TXNL4A: variants seen among roughly 807,000 people sequenced by gnomAD.
TXNL4A encodes thioredoxin like 4A.
Under a neutral mutation model 14.6 loss-of-function variants are expected in TXNL4A, and 17 were observed. That is an observed-to-expected ratio of 1.16 (90% CI 0.80 to 1.74). The LOEUF is 1.74. TXNL4A is among the 40% of genes most tolerant of loss of function. The pLI is 0.00. For synonymous variants in TXNL4A, 83 were observed against 70.6 expected (o/e 1.18, Z -0.88); for missense variants, 74 against 195.2 (o/e 0.38, Z 3.70).
chr18:80,007,984 T>A (rs2051743519), intron 1 of TXNL4A, among the ~76,000 whole-genome samples: 2 of 151,028 alleles, frequency 1.3e-5, no homozygotes, highest in Admixed American at 1.3e-4. Context: ...GACCCCCATC[T>A]CTACAAAAAA....
chr18:80,019,923 G>A (rs989029696), intron 1 of TXNL4A, among the ~76,000 whole-genome samples: 1 of 152,128 alleles, frequency 6.6e-6, no homozygotes, highest in Non-Finnish European at 1.5e-5. Context: ...TAAAGGTAAA[G>A]CCAGCAGAGG....
chr18:79,977,402 T>G, intron 2 of TXNL4A, 196 bp downstream of exon 2: 2 of 553,442 alleles, frequency 3.6e-6, no homozygotes, highest in Non-Finnish European at 6.3e-6. Flanking sequence ...TGTTACTGAG[T>G]AAATGCTAAA....
rs1439253798 is a variant in TXNL4A at position 79,971,436 on chromosome 18, T to A, written c.*2249A>T. On this transcript the variant is annotated 3_prime_UTR_variant, in exon 3 of 3. Coordinates refer to ENST00000269601, the MANE Select transcript of TXNL4A (RefSeq NM_006701.5). ...TTGACCTCTGGGGCTTAAGTGATCCTCCTGCCTCAGCCCGCCGAGTAGCTG... is the reference window on the plus strand; with the variant it reads ...TTGACCTCTGGGGCTTAAGTGATCCACCTGCCTCAGCCCGCCGAGTAGCTG... 1.3e-5 allele frequency: 2 copies of A among 152,294 alleles called. No homozygotes were observed. Among genetic ancestry groups the A allele is most frequent in the African/African-American group, 4.8e-5 (2 of 41,442 alleles). The allele number at this position is 152,294 out of a possible 1,614,324, so 9.4% of individuals were successfully genotyped here.
chr18:80,031,575 G>A (rs188055036), intron 1 of TXNL4A, among the ~76,000 whole-genome samples: 22 of 152,308 alleles, frequency 1.4e-4, no homozygotes, highest in Non-Finnish European at 5.9e-5. Flanking sequence ...GATAGCTATT[G>A]AAGATGCTAT....
At chr18:80,002,319 A>G (rs1032281700) in intron 1 of TXNL4A, among the ~76,000 whole-genome samples, 1 of 152,218 alleles carries the variant, frequency 6.6e-6, no homozygotes, top group Admixed American at 6.5e-5. Flanking sequence ...GTCTAGGTGC[A>G]TGCTGATGAG....
intron 1 of TXNL4A, among the ~76,000 whole-genome samples, chr18:80,007,259 G>A (rs1157767946): frequency 6.6e-6 from 1 of 152,178 alleles, no homozygotes; most frequent in Non-Finnish European, 1.5e-5. Context: ...ATTCAGCTGG[G>A]AGCATCGGCA....
intron 1 of TXNL4A, among the ~76,000 whole-genome samples, chr18:80,013,581 T>C (rs1277576362): frequency 6.6e-6 from 1 of 151,960 alleles, no homozygotes; most frequent in Non-Finnish European, 1.5e-5. Flanking sequence ...ATTACTGGCA[T>C]GCGCCACCAC....
rs184902897 is a variant in TXNL4A at position 79,994,099 on chromosome 18, A to G, written c.-60-16398T>C. Among the ~76,000 whole-genome samples, 197 of 152,340 alleles carry G rather than the reference A, an allele frequency of 1.3e-3. 1 individual carries two copies. Among genetic ancestry groups the G allele is most frequent in the Non-Finnish European group, 2.3e-3 (159 of 68,030 alleles). On this transcript the variant is annotated intron_variant, in intron 1 of 2. Transcript: ENST00000585474. ...GCTAAAACCCCAGCAGCTGAGGAAC[A>G]TAAAGTTCCACCTTTAGAAACTCCG...
chr18:79,984,986 C>G (rs1380510632), intron 1 of TXNL4A, among the ~76,000 whole-genome samples: 1 of 152,088 alleles, frequency 6.6e-6, no homozygotes, highest in Non-Finnish European at 1.5e-5. Context: ...CTCAAAGGCA[C>G]ATGAAATTGT....
At chr18:80,000,531 G>A (rs964367313) in intron 1 of TXNL4A, among the ~76,000 whole-genome samples, 11 of 152,332 alleles carry the variant, frequency 7.2e-5, no homozygotes, top group African/African-American at 2.4e-4. Context: ...AAGGGAAACA[G>A]CATAAAAGTT....
chr18:80,012,050 A>ACG lies in TXNL4A; in HGVS notation c.-61+21799_-61+21800dup. 1.3e-5 allele frequency among the ~76,000 whole-genome samples: 2 copies of ACG among 152,230 alleles called. 1 individual carries two copies. Among genetic ancestry groups the ACG allele is most frequent in the Middle Eastern group, 6.8e-3 (2 of 294 alleles). ...ATTAGGTGGAGCTAAAGAGCTCTGGACGCGCCTTTTAAACTCTTACTCTGT... is the reference window on the plus strand; with the variant it reads ...ATTAGGTGGAGCTAAAGAGCTCTGGACGCGCGCCTTTTAAACTCTTACTCTGT... On this transcript the variant is annotated intron_variant, in intron 1 of 2. Transcript: ENST00000585474.
At chr18:80,012,830 AT>A (rs780269210) in intron 1 of TXNL4A, among the ~76,000 whole-genome samples, 840 of 143,112 alleles carry the variant, frequency 5.9e-3, no homozygotes, top group Admixed American at 5.6e-3. Flanking sequence ...CTTCCATTAA[AT>A]TTTTTTTTTT....
chr18:80,011,609 T>C lies in TXNL4A; in HGVS notation c.-61+22242A>G, dbSNP rs2051770050. The stretch of plus-strand genomic sequence containing the variant: ...TGAGCAGCCTCTGAGGAGAAAAGTC[T>C]CCTTATTGCCTTCATGTCTTTATGC... On this transcript the variant is annotated intron_variant, in intron 1 of 2. Coordinates refer to the TXNL4A transcript ENST00000585474. The surrounding 1 kb of genome is among the most constrained non-coding windows in gnomAD (Gnocchi z 4.1). Among the ~76,000 whole-genome samples the C allele has an allele frequency of 1.3e-5, 2 of 152,154 alleles. No homozygotes were observed.
chr18:80,012,555 A>G (rs2051776968), intron 1 of TXNL4A, among the ~76,000 whole-genome samples: 2 of 152,188 alleles, frequency 1.3e-5, no homozygotes, highest in South Asian at 4.1e-4. Flanking sequence ...GTGGTTCATG[A>G]GAGTTTCAGC....
At position 80,010,926 on chromosome 18, in the gene TXNL4A, G is replaced by C. The variant is rs2051765523; in HGVS notation, c.-61+22925C>G. ...CCTTTCAGTCCCCCCGTGGAGTAGA[G>C]ACCCAACTGCTGTTGGGGAGGTTGG... is the stretch of plus-strand genomic sequence containing the variant. On this transcript the variant is annotated intron_variant, in intron 1 of 2. Transcript: ENST00000585474. 4.6e-5 allele frequency among the ~76,000 whole-genome samples: 7 copies of C among 151,640 alleles called. No individual in the cohort carries two copies. The South Asian group carries it at 1.5e-3, about 32-fold the overall frequency.
At chr18:79,976,997 G>C (rs1385441215) in intron 2 of TXNL4A, among the ~76,000 whole-genome samples, 2 of 151,382 alleles carry the variant, frequency 1.3e-5, no homozygotes, top group African/African-American at 4.9e-5. Flanking sequence ...TTTTGCTCTT[G>C]TTGCCTAGGC....
At chr18:79,996,186 A>G (rs374773690) in intron 1 of TXNL4A, among the ~76,000 whole-genome samples, 50 of 151,950 alleles carry the variant, frequency 3.3e-4, no homozygotes, top group African/African-American at 1.1e-3. Flanking sequence ...AGACAAGAAA[A>G]TGCAGCTCAG....
chr18:79,997,712 C>T (rs2079571127), intron 1 of TXNL4A, among the ~76,000 whole-genome samples: 1 of 152,122 alleles, frequency 6.6e-6, no homozygotes, highest in African/African-American at 2.4e-5. Context: ...TAATTTTTCC[C>T]CAGGGCTCAA....
chr18:79,999,259 G>T (rs2051682937), intron 1 of TXNL4A, among the ~76,000 whole-genome samples: 1 of 152,090 alleles, frequency 6.6e-6, no homozygotes, highest in African/African-American at 2.4e-5. Context: ...TTCTAGGCCG[G>T]GTGCAGTGAC....
Sources: allele counts gnomAD v4.1 joint callset (sites outside exome capture counted in the v4.1 genomes callset), GRCh38; gene constraint gnomAD v4.1.1; non-coding constraint Gnocchi (gnomAD v3.1); transcripts MANE v1.5; gene names NCBI Gene and HGNC (gene_info 2026-07-23, HGNC 2026-07-21).